Variants in CCDC82 observed in about 807,000 individuals in gnomAD.
The protein encoded by CCDC82 is coiled-coil domain containing 82.
CCDC82 carries 47 observed loss-of-function variants against 60.6 expected under a neutral mutation model. The ratio of observed to expected loss-of-function variants is 0.77; its 90% CI spans 0.61 to 0.99. The LOEUF is 0.99. Among genes scored for constraint, CCDC82 ranks in the 50% least tolerant of loss-of-function variants. The pLI is 0.00. For missense variants in CCDC82, 588 were observed against 633.0 expected (o/e 0.93, Z 0.76); for synonymous variants, 212 against 207.4 (o/e 1.02, Z -0.19).
At chr11:96,373,797 T>TA (rs1212445261) in intron 5 of CCDC82, among the ~76,000 whole-genome samples, 13 of 152,264 alleles carry the variant, frequency 8.5e-5, no homozygotes, top group African/African-American at 2.4e-4. Flanking sequence ...ATTTGACACT[T>TA]AGAGTGACAG....
intron 5 of CCDC82, among the ~76,000 whole-genome samples, chr11:96,380,248 G>A (rs1865797147): frequency 6.6e-6 from 1 of 151,726 alleles, no homozygotes; most frequent in South Asian, 2.1e-4. Flanking sequence ...GTAGCTAATG[G>A]AACATGCCAA....
chr11:96,374,669 C>T (rs1865474246), intron 5 of CCDC82, among the ~76,000 whole-genome samples: 1 of 152,062 alleles, frequency 6.6e-6, no homozygotes, highest in Non-Finnish European at 1.5e-5. Context: ...CAGGTAAACT[C>T]ATGTCATAAG....
chr11:96,384,197 CT>C lies in CCDC82; in HGVS notation c.550del (p.Arg184GlyfsTer5). On this transcript the variant is annotated frameshift_variant, in exon 4 of 10. Coordinates refer to ENST00000646818, the MANE Select transcript of CCDC82 (RefSeq NM_024725.4). LOFTEE classifies it high-confidence loss of function. ...ACTGTCACACATCACAGAGGATAGCCTTTTTCTTTTTCCTCGCTTGATGTCT... is the reference window on the plus strand; with the variant it reads ...ACTGTCACACATCACAGAGGATAGCCTTTTCTTTTTCCTCGCTTGATGTCT... ...EEDIKRGKRKRLSSVMCDSDE... is the reference protein window; with the variant it reads ...EEDIKRGKRKXLSSVMCDSDE... 1 of 1,613,832 alleles carries C rather than the reference CT, an allele frequency of 6.2e-7. No homozygotes were observed. Among genetic ancestry groups the C allele is most frequent in the Non-Finnish European group, 8.5e-7 (1 of 1,179,854 alleles).
intron 5 of CCDC82, among the ~76,000 whole-genome samples, chr11:96,380,154 A>G (rs1364454133): frequency 6.6e-6 from 1 of 151,728 alleles, no homozygotes; most frequent in Non-Finnish European, 1.5e-5. Context: ...GAACAATTTC[A>G]CTGGACTGAC....
At chr11:96,383,865 T>C (rs911198703) in intron 4 of CCDC82, 97 bp downstream of exon 4, 16 of 1,069,276 alleles carry the variant, frequency 1.5e-5, no homozygotes, top group South Asian at 6.7e-5. Context: ...TCTAGAATTA[T>C]TGAGAAATGG....
intron 8 of CCDC82, chr11:96,364,136 A>C (rs1864821417): frequency 6.6e-6 from 1 of 152,156 alleles, no homozygotes; most frequent in Admixed American, 6.5e-5. Flanking sequence ...ATGGTCCCTA[A>C]TGTACGAAAT....
At chr11:96,358,604 G>C (rs537066575) in intron 9 of CCDC82, 2 of 1,235,226 alleles carry the variant, frequency 1.6e-6, no homozygotes, top group South Asian at 8.1e-5. Context: ...TTCACTCTCA[G>C]GTCACAAGAA....
chr11:96,381,838 C>T (rs977424092), intron 5 of CCDC82: 1 of 151,726 alleles, frequency 6.6e-6, no homozygotes, highest in African/African-American at 2.4e-5. Flanking sequence ...TTGCTTTTTT[C>T]ACTGTGTTGA....
At chr11:96,364,913 A>G in intron 8 of CCDC82, 67 bp downstream of exon 8, 1 of 1,432,904 alleles carries the variant, frequency 7.0e-7, no homozygotes, top group African/African-American at 1.5e-5. Context: ...TCCTTAGGAT[A>G]CTTAGGATTA....
intron 7 of CCDC82, among the ~76,000 whole-genome samples, chr11:96,366,283 T>A (rs563786356): frequency 6.6e-6 from 1 of 152,232 alleles, no homozygotes; most frequent in Non-Finnish European, 1.5e-5. Context: ...TGTTGGTTTA[T>A]TTTGTTTGTT....
chr11:96,384,268 G>A lies in CCDC82; in HGVS notation c.480C>T (p.Leu160=). 2.5e-6 allele frequency: 4 copies of A among 1,613,342 alleles called. No individual in the cohort carries two copies. Among genetic ancestry groups the A allele is most frequent in the Non-Finnish European group, 3.4e-6 (4 of 1,179,700 alleles). Residue 160 remains leucine (L), a synonymous_variant, in exon 4 of 10, where the codon CTC becomes CTT. Coordinates refer to ENST00000646818, the MANE Select transcript of CCDC82 (RefSeq NM_024725.4). ...EKHLSQEDND[L]NKQTGQIIED... is the part of the protein sequence containing the mutation. ...CTATTATTTGTCCAGTTTGTTTGTT[G>A]AGATCATTATCCTCTTGACTTAAAT... is the stretch of plus-strand genomic sequence containing the variant.
rs753512579 is a variant in CCDC82 at position 96,383,317 on chromosome 11, C to T, written c.943G>A (p.Glu315Lys). 8.7e-6 allele frequency: 14 copies of T among 1,607,670 alleles called. No individual in the cohort carries two copies. Among genetic ancestry groups the T allele is most frequent in the Non-Finnish European group, 1.2e-5 (14 of 1,175,570 alleles). Reference protein sequence around the residue: ...GDEENKNQQGEKLTTSQLKLV... With the variant: ...GDEENKNQQGKKLTTSQLKLV... Reference sequence around the variant, plus strand: ...TTCAGTTGTGATGTAGTCAATTTTTCTCCTTGTTGGTTTTTATTCTCTTCA... The same window carrying T: ...TTCAGTTGTGATGTAGTCAATTTTTTTCCTTGTTGGTTTTTATTCTCTTCA... Residue 315 changes from glutamate to lysine, a missense_variant, in exon 5 of 10, where the codon GAA (glutamate) becomes AAA (lysine). Coordinates refer to ENST00000646818, the MANE Select transcript of CCDC82 (RefSeq NM_024725.4).
chr11:96,361,927 A>G (rs1471097159), intron 8 of CCDC82, among the ~76,000 whole-genome samples: 1 of 152,252 alleles, frequency 6.6e-6, no homozygotes, highest in Non-Finnish European at 1.5e-5. Context: ...CAAATAAAGA[A>G]GATGACACAT....
chr11:96,382,758 T>C (rs1299576329), intron 5 of CCDC82: 13 of 151,886 alleles, frequency 8.6e-5, no homozygotes, highest in Admixed American at 8.5e-4. Flanking sequence ...TCCAGCTACC[T>C]GTGTGAGGCA....
At chr11:96,354,838 T>C (rs1457563113) in intron 9 of CCDC82, 4 of 152,220 alleles carry the variant, frequency 2.6e-5, no homozygotes, top group African/African-American at 9.6e-5. Flanking sequence ...TTGACTCTGT[T>C]TATGAACTGT....
At chr11:96,371,206 A>G in intron 6 of CCDC82, 69 bp from the exon 7 acceptor site, 7 of 1,078,400 alleles carry the variant, frequency 6.5e-6, no homozygotes, top group Non-Finnish European at 8.7e-6. Flanking sequence ...TTTAATACTT[A>G]AAAATTTCTT....
intron 3 of CCDC82, 157 bp downstream of exon 3, chr11:96,386,097 C>T (rs952085383): frequency 9.2e-5 from 14 of 152,100 alleles, no homozygotes; most frequent in African/African-American, 3.4e-4. Flanking sequence ...TCACTTGTCT[C>T]GGTTATAAGG....
chr11:96,376,786 AT>A (rs1865599835), intron 5 of CCDC82, among the ~76,000 whole-genome samples: 1 of 152,120 alleles, frequency 6.6e-6, no homozygotes, highest in Admixed American at 6.6e-5. Flanking sequence ...TGTAGATGGA[AT>A]TTTTCCTGAT....
intron 7 of CCDC82, among the ~76,000 whole-genome samples, chr11:96,367,735 T>G (rs896133002): frequency 2.0e-5 from 3 of 152,202 alleles, no homozygotes; most frequent in African/African-American, 7.2e-5. Flanking sequence ...TGGTGAATAC[T>G]TTCCAGAAGG....
Sources: allele counts gnomAD v4.1 joint callset (sites outside exome capture counted in the v4.1 genomes callset), GRCh38; gene constraint gnomAD v4.1.1; transcripts MANE v1.5; gene names NCBI Gene and HGNC (gene_info 2026-07-23, HGNC 2026-07-21).